Variants in LGALS9B observed in about 807,000 individuals in gnomAD.
LGALS9B encodes the protein galectin 9B, also known as galectin-9B.
In LGALS9B, 8 loss-of-function variants were observed where a neutral mutation model predicts 35.9. That is an observed-to-expected ratio of 0.22 (90% CI 0.13 to 0.40). The LOEUF is 0.40. LGALS9B is among the 10% of genes least tolerant of loss of function. LGALS9B has a pLI of 1.00. For synonymous variants in LGALS9B, 42 were observed against 148.6 expected (o/e 0.28, Z 5.22); for missense variants, 101 against 397.9 (o/e 0.25, Z 6.35).
rs1423579599 is a variant in LGALS9B at position 20,455,501 on chromosome 17, G to C, written c.445-103C>G. The C allele has an allele frequency of 2.8e-6, 3 of 1,081,668 alleles. 1 individual carries two copies. The African/African-American group carries it at 4.6e-5, about 17-fold the overall frequency. The allele number at this position is 1,081,668 out of a possible 1,614,324, so 67.0% of individuals were successfully genotyped here. A position where few individuals can be genotyped will look rare whatever the true frequency, so the allele number is the denominator to read the frequency against. ...GCAGGAGGCAGAGAACAGGCAGGCA[G>C]GGGGATGCAGCAAGGGGGTTAGGGC... is the stretch of plus-strand genomic sequence containing the variant. On this transcript the variant is annotated intron_variant, in intron 4 of 10. Coordinates refer to ENST00000423676, the MANE Select transcript of LGALS9B (RefSeq NM_001367292.2).
At chr17:20,450,854 GCT>G (rs1262205625) in intron 10 of LGALS9B, among the ~76,000 whole-genome samples, 1 of 151,802 alleles carries the variant, frequency 6.6e-6, no homozygotes, top group East Asian at 1.9e-4. Flanking sequence ...TTCTTTGTAA[GCT>G]CTCTGGGTGA....
intron 10 of LGALS9B, among the ~76,000 whole-genome samples, chr17:20,451,039 T>G (rs1449269882): frequency 2.6e-5 from 4 of 151,324 alleles, no homozygotes; most frequent in African/African-American, 9.7e-5. Context: ...ATGCTTTAGT[T>G]TCCTTGTTCC....
intron 1 of LGALS9B, among the ~76,000 whole-genome samples, chr17:20,464,569 G>C (rs1287922398): frequency 6.6e-6 from 1 of 151,936 alleles, no homozygotes; most frequent in African/African-American, 2.4e-5. Context: ...CATTAAGAAA[G>C]CAAATTTGTT....
At chr17:20,451,149 C>T (rs1244090476) in intron 10 of LGALS9B, among the ~76,000 whole-genome samples, 2 of 151,126 alleles carry the variant, frequency 1.3e-5, no homozygotes, top group South Asian at 2.1e-4. Flanking sequence ...ACAAAGCGGG[C>T]GACAGTGAAA....
chr17:20,463,157 GATT>G (rs1772503718), intron 1 of LGALS9B, among the ~76,000 whole-genome samples: 1 of 140,026 alleles, frequency 7.1e-6, no homozygotes, highest in South Asian at 2.5e-4. Flanking sequence ...TGAAAAACAA[GATT>G]ATTTTATTAT....
At position 20,458,389 on chromosome 17, in the gene LGALS9B, G is replaced by A. The variant is rs771450126; in HGVS notation, c.132-5C>T. The A allele has an allele frequency of 1.2e-6, 2 of 1,608,144 alleles. No homozygotes were observed. The highest frequency in any genetic ancestry group is 1.7e-5 in the Admixed American group (1 of 59,392). On this transcript the variant is annotated splice_polypyrimidine_tract_variant and splice_region_variant and intron_variant, in intron 2 of 10. Coordinates refer to ENST00000423676, the MANE Select transcript of LGALS9B (RefSeq NM_001367292.2). ...GTCTGAAAGTCCACAGCAAACCTAG[G>A]CCCAGGAAAAGCAAATAGTCTTCTG... is the stretch of plus-strand genomic sequence containing the variant.
chr17:20,461,191 G>C (rs1185271441), intron 1 of LGALS9B, among the ~76,000 whole-genome samples: 2 of 151,448 alleles, frequency 1.3e-5, no homozygotes, highest in Non-Finnish European at 2.9e-5. Context: ...CATCGTTTTG[G>C]AGTCAGGCGG....
chr17:20,449,508 A>G lies in LGALS9B; in HGVS notation c.*465T>C, dbSNP rs879244334. On this transcript the variant is annotated 3_prime_UTR_variant, in exon 11 of 11. Coordinates refer to ENST00000423676, the MANE Select transcript of LGALS9B (RefSeq NM_001367292.2). ...GTGGAGGCCAGTGGGAAGCCATCAG[A>G]CCTGCTTTCCAGGAGGGGTGAAGGG... is the stretch of plus-strand genomic sequence containing the variant. 14 of 197,378 alleles carry G rather than the reference A, an allele frequency of 7.1e-5. No individual in the cohort carries two copies. The highest frequency in any genetic ancestry group is 2.9e-4 in the South Asian group (3 of 10,368). The allele number at this position is 197,378 out of a possible 1,614,324, so 12.2% of individuals were successfully genotyped here. A position where few individuals can be genotyped will look rare whatever the true frequency, so the allele number is the denominator to read the frequency against.
rs771732215 is a variant in LGALS9B at position 20,460,374 on chromosome 17, C to A, written c.109G>T (p.Val37Phe). 4.4e-6 allele frequency: 7 copies of A among 1,600,994 alleles called. No individual in the cohort carries two copies. Among genetic ancestry groups the A allele is most frequent in the Non-Finnish European group, 6.0e-6 (7 of 1,170,676 alleles). The change falls in exon 2 of 11, where the codon GTT becomes TTT. Residue 37 changes from valine (V) to phenylalanine (F), a missense_variant. Coordinates refer to ENST00000423676, the MANE Select transcript of LGALS9B (RefSeq NM_001367292.2). Reference protein sequence around the residue: ...DGFQITVNGAVLSSSGTRFAV... With the variant: ...DGFQITVNGAFLSSSGTRFAV... ...CACCTGGTTCCACTGGAGCTGAGAACGGCCCCATTGACAGTGATCTGAAAT... is the reference window on the plus strand; with the variant it reads ...CACCTGGTTCCACTGGAGCTGAGAAAGGCCCCATTGACAGTGATCTGAAAT...
rs1416982530 is a variant in LGALS9B at position 20,467,179 on chromosome 17, C to T, written c.39+253G>A. ...CTCTACACCTCTTCCCCTGAGCGCACAGGACAGGACACGACAGCTCAGCCA... is the reference window on the plus strand; with the variant it reads ...CTCTACACCTCTTCCCCTGAGCGCATAGGACAGGACACGACAGCTCAGCCA... On this transcript the variant is annotated intron_variant, in intron 1 of 10. Transcript: ENST00000423676. 1.9e-4 allele frequency among the ~76,000 whole-genome samples: 27 copies of T among 144,190 alleles called. 2 individuals are homozygous for T. The highest frequency in any genetic ancestry group is 3.8e-4 in the Non-Finnish European group (25 of 65,914). The allele number at this position is 144,190 out of a possible 152,430, so 94.6% of individuals were successfully genotyped here.
chr17:20,460,959 CAAG>C (rs2042725134), intron 1 of LGALS9B, among the ~76,000 whole-genome samples: 1 of 128,668 alleles, frequency 7.8e-6, no homozygotes, highest in Non-Finnish European at 1.7e-5. Flanking sequence ...CAGAGAGTGT[CAAG>C]AAGAAGGCAT....
chr17:20,460,256 T>C (rs2142421662), intron 2 of LGALS9B, 96 bp downstream of exon 2: 2 of 1,605,350 alleles, frequency 1.2e-6, no homozygotes, highest in Non-Finnish European at 1.7e-6. Flanking sequence ...CACGTGAGCT[T>C]GGATGTTGTT....
chr17:20,451,784 C>A lies in LGALS9B; in HGVS notation c.761+11G>T, dbSNP rs779829571. ...CTCTCTTCCCAGAGGTCACTGGAGCCTTTGGCTTACCTCTGAGCACTGGGC... is the reference window on the plus strand; with the variant it reads ...CTCTCTTCCCAGAGGTCACTGGAGCATTTGGCTTACCTCTGAGCACTGGGC... On this transcript the variant is annotated intron_variant, in intron 9 of 10. Coordinates refer to ENST00000423676, the MANE Select transcript of LGALS9B (RefSeq NM_001367292.2). The A allele has an allele frequency of 3.6e-5, 48 of 1,347,646 alleles. 2 individuals carry two copies. The highest frequency in any genetic ancestry group is 3.9e-5 in the Non-Finnish European group (38 of 967,662). 83.5% of individuals were successfully genotyped at this position (1,347,646 alleles called of 1,614,324 possible).
intron 10 of LGALS9B, 149 bp downstream of exon 10, chr17:20,451,332 A>C: frequency 2.5e-6 from 1 of 401,042 alleles, no homozygotes. Flanking sequence ...TATTAATAAT[A>C]ATGACAATAA....
intron 3 of LGALS9B, among the ~76,000 whole-genome samples, chr17:20,457,809 G>T (rs1370084945): frequency 6.6e-6 from 1 of 152,012 alleles, no homozygotes; most frequent in African/African-American, 2.4e-5. Flanking sequence ...ATAGACTCTG[G>T]ATAAAGGCTG....
intron 1 of LGALS9B, among the ~76,000 whole-genome samples, chr17:20,463,974 G>A (rs1330115920): frequency 6.6e-6 from 1 of 151,456 alleles, no homozygotes; most frequent in Non-Finnish European, 1.5e-5. Context: ...TATACAGGTG[G>A]TCCCAATGTA....
At position 20,452,991 on chromosome 17, in the gene LGALS9B, G is replaced by T. The variant is rs376194413; in HGVS notation, c.627+26C>A. Reference sequence around the variant, plus strand: ...GGGAAGGAGGGCACTGTGCAGCTGTGAACTGATCAGAACTTGAAGACTTAC... The same window carrying T: ...GGGAAGGAGGGCACTGTGCAGCTGTTAACTGATCAGAACTTGAAGACTTAC... On this transcript the variant is annotated intron_variant, in intron 7 of 10. Coordinates refer to ENST00000423676, the MANE Select transcript of LGALS9B (RefSeq NM_001367292.2). The T allele has an allele frequency of 2.5e-5, 35 of 1,391,314 alleles. 7 individuals are homozygous for T. Among genetic ancestry groups the T allele is most frequent in the Non-Finnish European group, 3.5e-5 (35 of 995,230 alleles). The allele number at this position is 1,391,314 out of a possible 1,614,324, so 86.2% of individuals were successfully genotyped here.
chr17:20,464,819 A>G (rs1403868248), intron 1 of LGALS9B, among the ~76,000 whole-genome samples: 1 of 152,088 alleles, frequency 6.6e-6, no homozygotes, highest in Non-Finnish European at 1.5e-5. Flanking sequence ...GCAGGGCAGT[A>G]ACACCACCCG....
intron 10 of LGALS9B, among the ~76,000 whole-genome samples, chr17:20,450,428 T>C (rs2042639273): frequency 1.9e-5 from 2 of 105,200 alleles, no homozygotes; most frequent in African/African-American, 3.5e-5. Context: ...CCTCCTAACT[T>C]GTCTTTTCCA....
Sources: allele counts gnomAD v4.1 joint callset (sites outside exome capture counted in the v4.1 genomes callset), GRCh38; gene constraint gnomAD v4.1.1; transcripts MANE v1.5; gene names NCBI Gene and HGNC (gene_info 2026-07-23, HGNC 2026-07-21).